The following PRORP variants were observed in gnomAD, a reference collection of about 807,000 sequenced individuals.
The protein encoded by PRORP is mitochondrial ribonuclease P catalytic subunit.
A neutral mutation model predicts 59.4 loss-of-function variants in PRORP; 51 were observed. The observed-to-expected ratio is 0.86, with a 90% confidence interval of 0.69 to 1.08. PRORP has a LOEUF of 1.08. Ranked by LOEUF, PRORP falls within the 50% of genes least tolerant of loss-of-function variation. The pLI is 0.00. For missense variants in PRORP, 646 were observed against 690.3 expected (o/e 0.94, Z 0.72); for synonymous variants, 231 against 245.6 (o/e 0.94, Z 0.55).
chr14:35,196,517 A>G (rs900620286), intron 5 of PRORP, among the ~76,000 whole-genome samples: 1 of 152,198 alleles, frequency 6.6e-6, no homozygotes, highest in Admixed American at 6.5e-5. Flanking sequence ...TATTTTCATC[A>G]CATGGGGAAA....
intron 4 of PRORP, among the ~76,000 whole-genome samples, chr14:35,161,789 A>G (rs181668347): frequency 1.4e-3 from 208 of 152,264 alleles, no homozygotes; most frequent in Non-Finnish European, 2.2e-3. Context: ...AGTTAGATCT[A>G]TTTCTCCAAA....
At chr14:35,242,657 T>C (rs2050395567) in intron 5 of PRORP, among the ~76,000 whole-genome samples, 1 of 152,244 alleles carries the variant, frequency 6.6e-6, no homozygotes, top group African/African-American at 2.4e-5. Context: ...CATTTTCATC[T>C]ATCTAGCTAG....
chr14:35,145,732 AGAAGGAAG>A (rs554532604), intron 4 of PRORP, among the ~76,000 whole-genome samples: 9,069 of 127,818 alleles, frequency 0.071, 939 homozygotes, highest in African/African-American at 0.13. Context: ...AAAGAAAGAA[AGAAGGAAG>A]GAAGGAAGGA....
At chr14:35,158,241 T>C (rs2047967568) in intron 4 of PRORP, 1 of 249,650 alleles carries the variant, frequency 4.0e-6, no homozygotes, top group East Asian at 9.0e-5. Context: ...AACTCCATTA[T>C]AAGTCACAAC....
chr14:35,192,675 TA>T (rs1477451391), intron 5 of PRORP, among the ~76,000 whole-genome samples: 1 of 152,050 alleles, frequency 6.6e-6, no homozygotes, highest in Non-Finnish European at 1.5e-5. Flanking sequence ...CAACATAGTA[TA>T]ATAACTTTCC....
At chr14:35,251,965 C>T (rs938591633) in intron 5 of PRORP, among the ~76,000 whole-genome samples, 1 of 152,054 alleles carries the variant, frequency 6.6e-6, no homozygotes, top group East Asian at 1.9e-4. Flanking sequence ...GAATTCCTAC[C>T]TTGGACCAGA....
intron 5 of PRORP, among the ~76,000 whole-genome samples, chr14:35,209,533 AT>A (rs2049382853): frequency 6.6e-6 from 1 of 151,436 alleles, no homozygotes; most frequent in Non-Finnish European, 1.5e-5. Context: ...TCCTTTATTC[AT>A]TTGTCTTGAT....
intron 4 of PRORP, among the ~76,000 whole-genome samples, chr14:35,135,129 C>A (rs1278597221): frequency 6.6e-6 from 1 of 152,214 alleles, no homozygotes; most frequent in African/African-American, 2.4e-5. Context: ...CACTCAGAGT[C>A]TTTCTCTGCA....
intron 5 of PRORP, among the ~76,000 whole-genome samples, chr14:35,245,902 G>T (rs1038369958): frequency 1.3e-5 from 2 of 152,110 alleles, no homozygotes; most frequent in African/African-American, 4.8e-5. Flanking sequence ...TCAAAGAAGG[G>T]TACATAGGAG....
chr14:35,248,280 G>C (rs2050532437), intron 5 of PRORP, among the ~76,000 whole-genome samples: 1 of 152,130 alleles, frequency 6.6e-6, no homozygotes, highest in African/African-American at 2.4e-5. Flanking sequence ...GCTTTATATA[G>C]TGAGTCAGTC....
intron 4 of PRORP, among the ~76,000 whole-genome samples, chr14:35,137,387 T>C (rs1566449468): frequency 6.9e-6 from 1 of 145,156 alleles, no homozygotes; most frequent in African/African-American, 2.4e-5. Context: ...GAAGGAAATA[T>C]CATTTGAGGC....
chr14:35,132,182 G>T (rs929452527), intron 4 of PRORP, among the ~76,000 whole-genome samples: 1 of 151,750 alleles, frequency 6.6e-6, no homozygotes, highest in Non-Finnish European at 1.5e-5. Flanking sequence ...ATTCAACTGG[G>T]TGTGGTGGCT....
intron 5 of PRORP, among the ~76,000 whole-genome samples, chr14:35,205,451 A>G (rs997909817): frequency 6.6e-6 from 1 of 152,030 alleles, no homozygotes; most frequent in Non-Finnish European, 1.5e-5. Flanking sequence ...CGGCCTCCCA[A>G]ATTGCTGGGA....
At chr14:35,249,823 A>T (rs1310667949) in intron 5 of PRORP, among the ~76,000 whole-genome samples, 1 of 152,182 alleles carries the variant, frequency 6.6e-6, no homozygotes, top group African/African-American at 2.4e-5. Context: ...ATCATCATAC[A>T]TTTAAAATTA....
intron 5 of PRORP, among the ~76,000 whole-genome samples, chr14:35,261,009 A>G (rs1329907285): frequency 6.6e-6 from 1 of 152,228 alleles, no homozygotes; most frequent in East Asian, 1.9e-4. Context: ...ATACATACAC[A>G]GACTCACACA....
intron 5 of PRORP, among the ~76,000 whole-genome samples, chr14:35,258,946 A>G (rs1209313373): frequency 6.6e-6 from 1 of 152,142 alleles, no homozygotes; most frequent in Non-Finnish European, 1.5e-5. Flanking sequence ...CTTTGCCTTT[A>G]CTGTCTATAG....
Position 35,123,363 on chromosome 14 carries a change from A to G in PRORP, c.118A>G (p.Arg40Gly), listed in dbSNP as rs1478653885. The change falls in exon 2 of 8, where the codon AGG (arginine) becomes GGG (glycine). Residue 40 changes from arginine to glycine, a missense_variant. Coordinates refer to ENST00000534898, the MANE Select transcript of PRORP (RefSeq NM_014672.4). ...SLFLADRCGI[R>G]NQQRLFSLKT... Reference sequence around the variant, plus strand: ...GTTTCTGGCAGACCGCTGTGGCATCAGGAACCAGCAGAGGTTGTTTTCTCT... The same window carrying G: ...GTTTCTGGCAGACCGCTGTGGCATCGGGAACCAGCAGAGGTTGTTTTCTCT... 3 of 1,614,156 alleles carry G rather than the reference A, an allele frequency of 1.9e-6. No homozygotes were observed. The South Asian group carries it at 3.3e-5, about 18-fold the overall frequency.
chr14:35,156,097 C>G (rs2047906792), intron 4 of PRORP, among the ~76,000 whole-genome samples: 1 of 152,258 alleles, frequency 6.6e-6, no homozygotes, highest in South Asian at 2.1e-4. Context: ...GTGGAATACT[C>G]CAGTGTGCAC....
rs2046996494 is a variant in PRORP, at chr14:35,123,465, A to G, written c.220A>G (p.Ser74Gly). ...CAGATATCTCAGGAAAGATGAGGGC[A>G]GTAATAAGCAAGTTTATTCTGTTCC... ...KARYLRKDEGSNKQVYSVPHF... is the reference protein window; with the variant it reads ...KARYLRKDEGGNKQVYSVPHF... Residue 74 changes from serine to glycine, a missense_variant, in exon 2 of 8, where the codon AGT (serine) becomes GGT (glycine). By Grantham distance (56) the Ser-to-Gly change is moderately conservative. Transcript: ENST00000534898. The G allele has an allele frequency of 1.9e-6, 3 of 1,614,220 alleles. No individual in the cohort carries two copies. The highest frequency in any genetic ancestry group is 1.1e-5 in the South Asian group (1 of 91,086).
Sources: gnomAD v4.1 joint callset for allele counts (sites outside exome capture counted in the v4.1 genomes callset) on GRCh38, gnomAD v4.1.1 for gene constraint, MANE v1.5 for transcripts, NCBI Gene and HGNC (gene_info 2026-07-23, HGNC 2026-07-21) for gene names.